Variants in RCAN1 observed in about 807,000 individuals in gnomAD.
RCAN1 encodes the protein calcipressin-1.
A neutral mutation model predicts 22.9 loss-of-function variants in RCAN1; 11 were observed. That is an observed-to-expected ratio of 0.48 (90% CI 0.30 to 0.79). The LOEUF (loss-of-function observed/expected upper bound fraction) is 0.79. RCAN1 is among the 30% of genes least tolerant of loss of function. RCAN1 has a pLI of 0.06. For missense variants in RCAN1, 291 were observed against 337.8 expected (o/e 0.86, Z 1.09); for synonymous variants, 136 against 142.3 (o/e 0.96, Z 0.32).
At chr21:34,537,533 T>C (rs998832160) in intron 1 of RCAN1, among the ~76,000 whole-genome samples, 2 of 152,242 alleles carry the variant, frequency 1.3e-5, no homozygotes, top group Admixed American at 6.5e-5. Flanking sequence ...ATGCCCCTTG[T>C]TGGGGAACCC....
chr21:34,604,183 T>A (rs1252667557), intron 1 of RCAN1, among the ~76,000 whole-genome samples: 1 of 152,204 alleles, frequency 6.6e-6, no homozygotes, highest in African/African-American at 2.4e-5. Context: ...CAGACTGAAG[T>A]ACAGTGGCAC....
chr21:34,525,934 T>C (rs918034682), intron 1 of RCAN1, among the ~76,000 whole-genome samples: 59 of 152,128 alleles, frequency 3.9e-4, no homozygotes, highest in African/African-American at 7.2e-5. Flanking sequence ...CATGTCCCAA[T>C]ATGGCTTTGG....
chr21:34,601,208 A>G (rs1254306148), intron 1 of RCAN1, among the ~76,000 whole-genome samples: 1 of 152,244 alleles, frequency 6.6e-6, no homozygotes, highest in Non-Finnish European at 1.5e-5. Context: ...CAATGTAGAC[A>G]CTGTAATTTC....
chr21:34,539,452 T>G (rs1985825613), intron 1 of RCAN1, among the ~76,000 whole-genome samples: 2 of 152,206 alleles, frequency 1.3e-5, no homozygotes, highest in Admixed American at 6.5e-5. Context: ...AAAGAATATG[T>G]GTGATAGTAT....
At chr21:34,612,491 G>A (rs982804854) in intron 1 of RCAN1, among the ~76,000 whole-genome samples, 7 of 152,180 alleles carry the variant, frequency 4.6e-5, no homozygotes, top group Non-Finnish European at 1.0e-4. Flanking sequence ...CATCTAAAGT[G>A]GCTCCCTACT....
intron 1 of RCAN1, among the ~76,000 whole-genome samples, chr21:34,531,616 G>A (rs1055377293): frequency 4.6e-5 from 7 of 152,116 alleles, no homozygotes; most frequent in Admixed American, 1.3e-4. Flanking sequence ...TTCCTCTCCC[G>A]CTGTATAAGC....
intron 3 of RCAN1, among the ~76,000 whole-genome samples, chr21:34,519,553 C>T (rs1294032185): frequency 6.6e-6 from 1 of 152,000 alleles, no homozygotes; most frequent in Non-Finnish European, 1.5e-5. Context: ...CGCATGCCAT[C>T]ATACTCAGCT....
At chr21:34,566,269 G>A (rs1015018381) in intron 1 of RCAN1, among the ~76,000 whole-genome samples, 5 of 152,118 alleles carry the variant, frequency 3.3e-5, no homozygotes, top group African/African-American at 1.2e-4. Flanking sequence ...AATTCTGTGC[G>A]AACCCCAGAC....
chr21:34,611,349 G>A (rs914222653), intron 1 of RCAN1, among the ~76,000 whole-genome samples: 1 of 152,142 alleles, frequency 6.6e-6, no homozygotes, highest in African/African-American at 2.4e-5. Context: ...GTAACAGTGT[G>A]AATCTAATAC....
chr21:34,611,605 C>T (rs746712083), intron 1 of RCAN1, among the ~76,000 whole-genome samples: 23 of 152,296 alleles, frequency 1.5e-4, no homozygotes, highest in Non-Finnish European at 2.8e-4. Flanking sequence ...CTCTCCAGAT[C>T]CAACAGACTG....
chr21:34,533,257 G>T (rs1044183169), intron 1 of RCAN1, among the ~76,000 whole-genome samples: 2 of 152,144 alleles, frequency 1.3e-5, no homozygotes, highest in Non-Finnish European at 2.9e-5. Context: ...ACCGCGCCAG[G>T]CCCAAAATAT....
chr21:34,558,554 G>T (rs1358015720), intron 1 of RCAN1, among the ~76,000 whole-genome samples: 1 of 152,212 alleles, frequency 6.6e-6, no homozygotes, highest in Non-Finnish European at 1.5e-5. Context: ...TCCTCAAATG[G>T]TTAAACATCA....
chr21:34,570,424 A>C (rs1196616827), intron 1 of RCAN1, among the ~76,000 whole-genome samples: 1 of 152,174 alleles, frequency 6.6e-6, no homozygotes, highest in Non-Finnish European at 1.5e-5. Flanking sequence ...ATATGGAAAA[A>C]ACATCCTAAG....
intron 1 of RCAN1, among the ~76,000 whole-genome samples, chr21:34,554,098 G>A (rs146178087): frequency 0.012 from 1,877 of 152,220 alleles, 20 homozygotes; most frequent in Non-Finnish European, 0.018. Flanking sequence ...TGCACTATTC[G>A]AATCTTTAGC....
chr21:34,535,909 A>T (rs2123613722), intron 1 of RCAN1, among the ~76,000 whole-genome samples: 1 of 152,218 alleles, frequency 6.6e-6, no homozygotes, highest in South Asian at 2.1e-4. Context: ...AAAGAAAAAA[A>T]AAAGAATAAA....
chr21:34,526,177 G>A (rs1318850287), intron 1 of RCAN1, among the ~76,000 whole-genome samples: 1 of 152,212 alleles, frequency 6.6e-6, no homozygotes, highest in East Asian at 1.9e-4. Context: ...AATTTCTCCA[G>A]TTTTATTATT....
chr21:34,607,238 C>T (rs115723263), intron 1 of RCAN1, among the ~76,000 whole-genome samples: 11 of 152,256 alleles, frequency 7.2e-5, no homozygotes, highest in African/African-American at 2.6e-4. Flanking sequence ...TAGCTATAGT[C>T]CTCTCAATGA....
At chr21:34,579,801 G>T (rs887445316) in intron 1 of RCAN1, among the ~76,000 whole-genome samples, 12 of 152,158 alleles carry the variant, frequency 7.9e-5, no homozygotes, top group African/African-American at 2.9e-4. Context: ...CACAGTACCA[G>T]CCACAACCCA....
At chr21:34,594,568 A>G (rs1988085426) in intron 1 of RCAN1, among the ~76,000 whole-genome samples, 1 of 151,954 alleles carries the variant, frequency 6.6e-6, no homozygotes, top group South Asian at 2.1e-4. Flanking sequence ...GAACAACAAC[A>G]ACAACAAAAC....
Sources: allele counts gnomAD v4.1 joint callset (sites outside exome capture counted in the v4.1 genomes callset), GRCh38; gene constraint gnomAD v4.1.1; transcripts MANE v1.5; gene names NCBI Gene and HGNC (gene_info 2026-07-23, HGNC 2026-07-21).